NHSL2: variants seen among roughly 807,000 people sequenced by gnomAD.
NHSL2 encodes NHS like 2, also known as NHS-like protein 2.
In NHSL2, 27 loss-of-function variants were observed where a neutral mutation model predicts 53.4. That is an observed-to-expected ratio of 0.51 (90% CI 0.37 to 0.70). The LOEUF (loss-of-function observed/expected upper bound fraction) is 0.70, where lower values mean the gene tolerates loss of function less well. Among genes scored for constraint, NHSL2 ranks in the 30% least tolerant of loss-of-function variants. The probability of loss-of-function intolerance (pLI) is 0.00; values close to 1 mark genes in which losing one functional copy is unlikely to be tolerated. For synonymous variants in NHSL2, 408 were observed against 404.1 expected, an observed-to-expected ratio of 1.01 and a Z score of -0.12; for missense variants, 892 against 980.1, an observed-to-expected ratio of 0.91 and a Z score of 1.20.
At chrX:72,030,496 ATG>A (rs58930948) in intron 1 of NHSL2, among the ~76,000 whole-genome samples, 47 of 109,750 alleles carry the variant, frequency 4.3e-4, no homozygotes, top group African/African-American at 1.2e-3. Context: ...GTATATGTAT[ATG>A]TGTGTGTGTG....
intron 1 of NHSL2, among the ~76,000 whole-genome samples, chrX:71,921,841 A>G (rs2041660897): frequency 8.9e-6 from 1 of 112,641 alleles, no homozygotes; most frequent in Non-Finnish European, 1.9e-5. Flanking sequence ...CAACGTCTAG[A>G]TCAGACTCTG....
At chrX:71,928,734 T>C (rs759133754) in intron 1 of NHSL2, among the ~76,000 whole-genome samples, 4 of 111,204 alleles carry the variant, frequency 3.6e-5, no homozygotes, top group African/African-American at 1.3e-4. Context: ...TACAGAAGCA[T>C]AAACTTGGGC....
At chrX:71,955,216 C>G (rs1451390921) in intron 1 of NHSL2, among the ~76,000 whole-genome samples, 3 of 112,192 alleles carry the variant, frequency 2.7e-5, no homozygotes, top group Non-Finnish European at 5.6e-5. Context: ...CTTCAGTTTC[C>G]TTCTCTCTCG....
At chrX:72,093,762 CTTTCT>C (rs2147448942) in intron 1 of NHSL2, among the ~76,000 whole-genome samples, 1 of 107,433 alleles carries the variant, frequency 9.3e-6, no homozygotes, top group African/African-American at 3.4e-5. Flanking sequence ...TTCTTTCTTT[CTTTCT>C]TTCTTTCTTT....
intron 1 of NHSL2, among the ~76,000 whole-genome samples, chrX:72,013,970 T>C: frequency 8.9e-6 from 1 of 112,135 alleles, no homozygotes; most frequent in Middle Eastern, 4.6e-3. Context: ...GGGAGTAGTT[T>C]TAAAATTATG....
In NHSL2 at chrX:72,150,229, G is replaced by GT. The variant is rs1429658695; in HGVS notation, c.*6661dup. 8.9e-6 allele frequency: 1 copy of GT among 112,399 alleles called. No individual in the cohort carries two copies. Among genetic ancestry groups the GT allele is most frequent in the African/African-American group, 3.2e-5 (1 of 30,922 alleles). The allele number at this position is 112,399 out of a possible 1,213,427, so 9.3% of individuals were successfully genotyped here. On this transcript the variant is annotated 3_prime_UTR_variant, in exon 8 of 8. Coordinates refer to ENST00000633930, the MANE Select transcript of NHSL2 (RefSeq NM_001013627.3). Reference sequence around the variant, plus strand: ...TCCCTAAAAGTTGTGTGAAAAATGAGTTTTTTAGATATCAAGTATCATTTT... The same window carrying GT: ...TCCCTAAAAGTTGTGTGAAAAATGAGTTTTTTTAGATATCAAGTATCATTTT...
chrX:72,101,694 G>A (rs1460924964), intron 1 of NHSL2, among the ~76,000 whole-genome samples: 9 of 109,864 alleles, frequency 8.2e-5, no homozygotes, highest in African/African-American at 2.0e-4. Flanking sequence ...CTTTTTCATC[G>A]GCCCCACCTG....
At chrX:71,993,120 T>C (rs754931820) in intron 1 of NHSL2, among the ~76,000 whole-genome samples, 1 of 111,910 alleles carries the variant, frequency 8.9e-6, no homozygotes, top group East Asian at 2.8e-4. Flanking sequence ...TGGCAGTAGT[T>C]GCTGGTGTCT....
intron 1 of NHSL2, among the ~76,000 whole-genome samples, chrX:72,037,890 C>A (rs1201988273): frequency 8.9e-6 from 1 of 112,237 alleles, no homozygotes; most frequent in African/African-American, 3.2e-5. Context: ...AGAAAGGCCA[C>A]CTTCTGTCAC....
chrX:71,972,866 T>TGTG (rs2041931576), intron 1 of NHSL2, among the ~76,000 whole-genome samples: 1 of 93,800 alleles, frequency 1.1e-5, no homozygotes, highest in African/African-American at 3.9e-5. Flanking sequence ...ATCTTTATTG[T>TGTG]TGTGTGTGTG....
intron 1 of NHSL2, among the ~76,000 whole-genome samples, chrX:71,940,580 G>A (rs73223121): frequency 0.025 from 2,736 of 111,277 alleles, 33 homozygotes; most frequent in Non-Finnish European, 0.036. Context: ...GATGGAACTC[G>A]CAGAGTGCAG....
chrX:72,103,149 C>T (rs777738995), intron 1 of NHSL2, among the ~76,000 whole-genome samples: 1 of 112,233 alleles, frequency 8.9e-6, no homozygotes, highest in Non-Finnish European at 1.9e-5. Flanking sequence ...GGTAGCTCCT[C>T]TTGACCTAGC....
At chrX:72,030,432 A>T (rs1240742231) in intron 1 of NHSL2, among the ~76,000 whole-genome samples, 1 of 112,421 alleles carries the variant, frequency 8.9e-6, no homozygotes, top group Non-Finnish European at 1.9e-5. Flanking sequence ...TGAGGAAAGC[A>T]TATATACAGT....
Position 71,911,295 on chromosome X carries a change from C to G in NHSL2, c.208C>G (p.Arg70Gly). 1 of 1,132,687 alleles carries G rather than the reference C, an allele frequency of 8.8e-7. No homozygotes were observed. The highest frequency in any genetic ancestry group is 1.2e-6 in the Non-Finnish European group (1 of 859,269). 93.3% of individuals were successfully genotyped at this position (1,132,687 alleles called of 1,213,427 possible). A position where few individuals can be genotyped will look rare whatever the true frequency, so the allele number is the denominator to read the frequency against. The change falls in exon 1 of 8, where the codon CGG (arginine) becomes GGG (glycine). Residue 70 changes from arginine (R) to glycine (G), a missense_variant. Coordinates refer to ENST00000633930, the MANE Select transcript of NHSL2 (RefSeq NM_001013627.3). ...ALGRRTDSLY[R>G]RTVRLRRRLP... ...GGGGCGCCGCACAGACAGCCTGTAC[C>G]GGCGCACCGTGCGCCTCCGCCGCCG...
chrX:72,069,055 G>T (rs2042449318), intron 1 of NHSL2, among the ~76,000 whole-genome samples: 1 of 112,695 alleles, frequency 8.9e-6, no homozygotes, highest in Non-Finnish European at 1.9e-5. Context: ...GCAGGGAGCT[G>T]TGTCACTTAG....
At chrX:71,948,274 G>A (rs1459796139) in intron 1 of NHSL2, among the ~76,000 whole-genome samples, 1 of 111,578 alleles carries the variant, frequency 9.0e-6, no homozygotes, top group African/African-American at 3.3e-5. Flanking sequence ...GTCTTGGCCT[G>A]TGTGGCTTTG....
chrX:71,938,292 A>G (rs750204489), intron 1 of NHSL2, among the ~76,000 whole-genome samples: 16 of 111,829 alleles, frequency 1.4e-4, no homozygotes, highest in Non-Finnish European at 5.6e-5. Flanking sequence ...AGCCTGCCCC[A>G]TTATGCACCG....
At chrX:72,082,810 C>T (rs896619891) in intron 1 of NHSL2, among the ~76,000 whole-genome samples, 2 of 112,232 alleles carry the variant, frequency 1.8e-5, no homozygotes, top group Non-Finnish European at 3.8e-5. Flanking sequence ...CCGCCAACCT[C>T]GGCCAGGCTG....
At chrX:72,034,150 T>C (rs2042229673) in intron 1 of NHSL2, among the ~76,000 whole-genome samples, 1 of 112,263 alleles carries the variant, frequency 8.9e-6, no homozygotes, top group Non-Finnish European at 1.9e-5. Flanking sequence ...TGCCAAATGA[T>C]TTGCTGAATC....
Sources: allele counts gnomAD v4.1 joint callset (sites outside exome capture counted in the v4.1 genomes callset), GRCh38; gene constraint gnomAD v4.1.1; transcripts MANE v1.5; gene names NCBI Gene and HGNC (gene_info 2026-07-23, HGNC 2026-07-21).